ZNF560: variants seen among roughly 807,000 people sequenced by gnomAD.
The protein encoded by ZNF560 is zinc finger protein 560.
Under a neutral mutation model 81.8 loss-of-function variants are expected in ZNF560, and 54 were observed. That is an observed-to-expected ratio of 0.66 (90% confidence interval 0.53 to 0.83). The LOEUF is 0.83. Ranked by LOEUF, ZNF560 falls within the 40% of genes least tolerant of loss-of-function variation. The pLI is 0.00. For missense variants in ZNF560, 940 were observed against 932.4 expected (o/e 1.01, Z -0.11); for synonymous variants, 321 against 317.9 (o/e 1.01, Z -0.10).
Position 9,466,755 on chromosome 19 carries a change from A to G in ZNF560, c.2192T>C (p.Val731Ala). The change falls in exon 10 of 10, where the codon GTG (valine) becomes GCG (alanine). Residue 731 changes from valine (V) to alanine (A), a missense_variant. Transcript: ENST00000301480. ...GGGCTTCTCTCCAGTGTGAATTCGC[A>G]CATGATTAGTAAGATCTGAATGACA... The part of the protein sequence containing the change: ...FTCHSDLTNH[V>A]RIHTGEKPYK... The G allele has an allele frequency of 6.2e-7, 1 of 1,614,138 alleles. No homozygotes were observed. The highest frequency in any genetic ancestry group is 8.5e-7 in the Non-Finnish European group (1 of 1,180,000).
At chr19:9,491,136 AG>A (rs1166033486) in intron 2 of ZNF560, among the ~76,000 whole-genome samples, 1 of 152,096 alleles carries the variant, frequency 6.6e-6, no homozygotes, top group East Asian at 1.9e-4. Flanking sequence ...TTTTTGAGAC[AG>A]GGTCTTGCTC....
At chr19:9,480,663 G>A (rs1360684902) in intron 2 of ZNF560, among the ~76,000 whole-genome samples, 1 of 151,846 alleles carries the variant, frequency 6.6e-6, no homozygotes, top group Non-Finnish European at 1.5e-5. Context: ...AAAAAAGCCG[G>A]GCACAGTGGT....
At chr19:9,461,336 A>G in the ZNF560 span, among the ~76,000 whole-genome samples, 9 of 152,288 alleles carry the variant, frequency 5.9e-5, no homozygotes, top group African/African-American at 2.2e-4. Flanking sequence ...TAATCATTCT[A>G]TACTAGCAGT....
intron 2 of ZNF560, among the ~76,000 whole-genome samples, chr19:9,480,188 A>G (rs2073264652): frequency 6.6e-6 from 1 of 152,242 alleles, no homozygotes; most frequent in Non-Finnish European, 1.5e-5. Flanking sequence ...TCAAGTGCAC[A>G]CAGAACATTA....
intron 2 of ZNF560, among the ~76,000 whole-genome samples, chr19:9,483,663 A>C (rs1285353193): frequency 7.2e-6 from 1 of 138,692 alleles, no homozygotes. Context: ...CCGCCCCGTC[A>C]GGGAGGGAGG....
chr19:9,456,432 G>T, the ZNF560 span, among the ~76,000 whole-genome samples: 3 of 152,194 alleles, frequency 2.0e-5, no homozygotes, highest in Non-Finnish European at 2.9e-5. Context: ...GGCAGCTTCT[G>T]ATTTTACCGT....
At chr19:9,463,220 GATCAAGTGATTTTAT>G (rs1437484586), downstream of ZNF560, among the ~76,000 whole-genome samples, 4 of 152,008 alleles carry the variant, frequency 2.6e-5, no homozygotes, top group Non-Finnish European at 5.9e-5. Flanking sequence ...AGTATACAAA[GATCAAGTGATTTTAT>G]ATAAACAATC....
At chr19:9,455,134 T>TC in the ZNF560 span, among the ~76,000 whole-genome samples, 16 of 152,276 alleles carry the variant, frequency 1.1e-4, no homozygotes, top group African/African-American at 2.9e-4. Flanking sequence ...GCTTGGAAGT[T>TC]CCCTGTTAGG....
upstream of ZNF560, among the ~76,000 whole-genome samples, chr19:9,502,954 GT>G (rs2073643708): frequency 1.3e-5 from 2 of 151,966 alleles, no homozygotes; most frequent in African/African-American, 4.8e-5. Context: ...TCCATTTCAC[GT>G]ATTTCCCTTC....
chr19:9,470,756 G>A (rs530829167), intron 6 of ZNF560, among the ~76,000 whole-genome samples: 20 of 152,214 alleles, frequency 1.3e-4, no homozygotes, highest in African/African-American at 2.2e-4. Flanking sequence ...CAACTAGACC[G>A]GGAGCTCATC....
chr19:9,487,011 C>G (rs942949890), intron 2 of ZNF560, among the ~76,000 whole-genome samples: 1 of 152,030 alleles, frequency 6.6e-6, no homozygotes, highest in African/African-American at 2.4e-5. Flanking sequence ...TAAGCAACTT[C>G]CTCTTTTCCT....
chr19:9,478,483 G>A (rs1017584301), intron 2 of ZNF560, among the ~76,000 whole-genome samples: 13 of 156 alleles, frequency 0.083, no homozygotes, highest in South Asian at 0.43. Context: ...AAATAAGCAC[G>A]TAGCTAATTC....
rs2073183252 is a variant in ZNF560, at chr19:9,475,316, T to G, written c.-3A>C. ...CAATTTGTCAGGCAGTAAGCCATCT[T>G]CCTTTCTGCCTCTGTCTTTTCTTCA... On this transcript the variant is annotated 5_prime_UTR_variant, in exon 3 of 10. Transcript: ENST00000301480. 6.2e-7 allele frequency: 1 copy of G among 1,613,650 alleles called. No homozygotes were observed. Among genetic ancestry groups the G allele is most frequent in the Non-Finnish European group, 8.5e-7 (1 of 1,179,904 alleles).
chr19:9,497,033 T>C (rs1278310308), intron 2 of ZNF560, among the ~76,000 whole-genome samples: 1 of 151,868 alleles, frequency 6.6e-6, no homozygotes, highest in Non-Finnish European at 1.5e-5. Context: ...AAACACAAAG[T>C]TGGGCGTGGT....
chr19:9,459,656 G>C, the ZNF560 span, among the ~76,000 whole-genome samples: 1 of 152,216 alleles, frequency 6.6e-6, no homozygotes, highest in Non-Finnish European at 1.5e-5. Context: ...GGTGATCAAA[G>C]AAGCAGGTGG....
chr19:9,470,773 G>C (rs1173271069), intron 6 of ZNF560, among the ~76,000 whole-genome samples: 2 of 152,144 alleles, frequency 1.3e-5, no homozygotes, highest in Non-Finnish European at 2.9e-5. Flanking sequence ...CATCTCATTT[G>C]ATTCCTCTCT....
intron 2 of ZNF560, among the ~76,000 whole-genome samples, chr19:9,496,366 AC>A (rs1469675919): frequency 6.6e-6 from 1 of 151,122 alleles, no homozygotes; most frequent in African/African-American, 2.4e-5. Context: ...AAACAAAAAA[AC>A]CCCGCAAATA....
the ZNF560 span, among the ~76,000 whole-genome samples, chr19:9,447,269 T>G: frequency 0.53 from 79,973 of 151,914 alleles, 21,377 homozygotes; most frequent in Non-Finnish European, 0.55. Context: ...TCTTCTATAT[T>G]TTAGCCCCAA....
Position 9,475,345 on chromosome 19 carries a change from A to G in ZNF560, c.-32T>C. On this transcript the variant is annotated 5_prime_UTR_variant, in exon 3 of 10. Coordinates refer to ENST00000301480, the MANE Select transcript of ZNF560 (RefSeq NM_152476.3). ...TTCTGCCTCTGTCTTTTCTTCATGA[A>G]GGCAGATTGGGTTCCTAGAAAGACC... 3.1e-6 allele frequency: 5 copies of G among 1,612,402 alleles called. No individual in the cohort carries two copies. The highest frequency in any genetic ancestry group is 4.2e-6 in the Non-Finnish European group (5 of 1,179,072).
Sources: gnomAD v4.1 joint callset for allele counts (sites outside exome capture counted in the v4.1 genomes callset) on GRCh38, gnomAD v4.1.1 for gene constraint, MANE v1.5 for transcripts, NCBI Gene and HGNC (gene_info 2026-07-23, HGNC 2026-07-21) for gene names.